ASPRV1: variants seen among roughly 807,000 people sequenced by gnomAD.
ASPRV1 encodes aspartic peptidase retroviral like 1.
A neutral mutation model predicts 11.0 loss-of-function variants in ASPRV1; 7 were observed. The ratio of observed to expected loss-of-function variants is 0.64; its 90% CI spans 0.36 to 1.20. The LOEUF (loss-of-function observed/expected upper bound fraction) is 1.20, where lower values mean the gene tolerates loss of function less well. ASPRV1 is among the 50% of genes most tolerant of loss of function. ASPRV1 has a pLI of 0.02. For missense variants in ASPRV1, 299 were observed against 320.0 expected, an observed-to-expected ratio of 0.93 and a Z score of 0.50; for synonymous variants, 136 against 138.4, an observed-to-expected ratio of 0.98 and a Z score of 0.12.
chr2:69,937,299 A>C, the ASPRV1 span: 1 of 1,614,176 alleles, frequency 6.2e-7, no homozygotes, highest in Non-Finnish European at 8.5e-7. Flanking sequence ...GAGCAGCGAC[A>C]CCTGAAGAGG....
chr2:70,044,917 G>C, the ASPRV1 span, among the ~76,000 whole-genome samples: 9 of 152,166 alleles, frequency 5.9e-5, no homozygotes, highest in African/African-American at 2.2e-4. Context: ...GTAGATGATA[G>C]GACAGAGCCA....
chr2:70,051,522 A>T, the ASPRV1 span, among the ~76,000 whole-genome samples: 3 of 152,250 alleles, frequency 2.0e-5, no homozygotes, highest in Admixed American at 6.5e-5. Context: ...GTATATATCA[A>T]GTGTTTATCA....
the ASPRV1 span, chr2:70,028,288 G>A: frequency 5.3e-5 from 8 of 152,136 alleles, no homozygotes; most frequent in Admixed American, 2.6e-4. Flanking sequence ...ATGACGAGAA[G>A]ACAACTTTCT....
chr2:69,999,600 G>A, the ASPRV1 span, among the ~76,000 whole-genome samples: 15 of 143,322 alleles, frequency 1.0e-4, no homozygotes, highest in Middle Eastern at 7.6e-3. Context: ...AGGTTTCAGT[G>A]AGCTGAAATC....
At chr2:70,065,953 C>G in the ASPRV1 span, among the ~76,000 whole-genome samples, 4 of 151,618 alleles carry the variant, frequency 2.6e-5, no homozygotes, top group African/African-American at 9.7e-5. Flanking sequence ...CACGCCTGTA[C>G]TCTCAGAATT....
the ASPRV1 span, among the ~76,000 whole-genome samples, chr2:70,073,742 C>T: frequency 6.6e-6 from 1 of 152,008 alleles, no homozygotes; most frequent in African/African-American, 2.4e-5. Context: ...GTTCCCTTGG[C>T]AACCAGCCTC....
At chr2:69,938,283 A>G in the ASPRV1 span, 5 of 1,613,940 alleles carry the variant, frequency 3.1e-6, 1 homozygote, top group South Asian at 4.4e-5. Context: ...CTTGGTCTCT[A>G]AGAGAGTGGG....
At chr2:70,038,812 C>T in the ASPRV1 span, among the ~76,000 whole-genome samples, 4 of 152,184 alleles carry the variant, frequency 2.6e-5, no homozygotes, top group African/African-American at 9.6e-5. Context: ...GGTGGGGTGG[C>T]TTACGCCTGT....
chr2:70,057,998 T>A, the ASPRV1 span, among the ~76,000 whole-genome samples: 5 of 151,822 alleles, frequency 3.3e-5, no homozygotes, highest in Admixed American at 2.0e-4. Context: ...TTTCACCATG[T>A]TGGCCAGGAT....
the ASPRV1 span, among the ~76,000 whole-genome samples, chr2:70,027,449 T>G: frequency 1.3e-5 from 2 of 152,030 alleles, no homozygotes; most frequent in African/African-American, 4.8e-5. Flanking sequence ...ATATCTGCAC[T>G]CCCATGTTTA....
the ASPRV1 span, among the ~76,000 whole-genome samples, chr2:70,082,604 A>G: frequency 2.1e-4 from 32 of 151,848 alleles, no homozygotes; most frequent in African/African-American, 7.5e-4. Context: ...CAGCTACTCA[A>G]GAGGCTGAGG....
chr2:70,062,259 C>T, the ASPRV1 span, among the ~76,000 whole-genome samples: 1 of 151,854 alleles, frequency 6.6e-6, no homozygotes, highest in Non-Finnish European at 1.5e-5. Context: ...GAGCCAAGAT[C>T]GTGCCATTGC....
At chr2:70,077,507 T>C in the ASPRV1 span, 1 of 152,218 alleles carries the variant, frequency 6.6e-6, no homozygotes, top group Non-Finnish European at 1.5e-5. Context: ...ACCATACACT[T>C]ATTATGAAAC....
At chr2:70,078,532 A>G in the ASPRV1 span, among the ~76,000 whole-genome samples, 6 of 152,218 alleles carry the variant, frequency 3.9e-5, no homozygotes, top group Non-Finnish European at 5.9e-5. Context: ...CAGAAACCTG[A>G]AGGAGATAAG....
chr2:69,983,894 T>C, the ASPRV1 span, among the ~76,000 whole-genome samples: 1,442 of 152,298 alleles, frequency 9.5e-3, 14 homozygotes, highest in Non-Finnish European at 0.01. Context: ...TCTGAGAGAT[T>C]TGAACCTGGA....
chr2:69,984,202 C>G, the ASPRV1 span, among the ~76,000 whole-genome samples: 1 of 152,070 alleles, frequency 6.6e-6, no homozygotes, highest in African/African-American at 2.4e-5. Context: ...CCATACCCAG[C>G]TAATTTTTGT....
At chr2:69,985,017 C>T in the ASPRV1 span, among the ~76,000 whole-genome samples, 1 of 152,116 alleles carries the variant, frequency 6.6e-6, no homozygotes, top group Non-Finnish European at 1.5e-5. Flanking sequence ...CCACCACGCC[C>T]AGCTAATTTT....
chr2:70,034,545 T>A, the ASPRV1 span, among the ~76,000 whole-genome samples: 1 of 148,048 alleles, frequency 6.8e-6, no homozygotes, highest in Non-Finnish European at 1.5e-5. Context: ...CACTTGAGCC[T>A]GGGCGACAGA....
chr2:69,983,120 T>C, the ASPRV1 span, among the ~76,000 whole-genome samples: 4 of 152,106 alleles, frequency 2.6e-5, no homozygotes, highest in African/African-American at 9.7e-5. Context: ...GGTTTCACCA[T>C]GTTGGCCAGG....
Sources: gnomAD v4.1 joint callset for allele counts (sites outside exome capture counted in the v4.1 genomes callset) on GRCh38, gnomAD v4.1.1 for gene constraint, MANE v1.5 for transcripts, NCBI Gene and HGNC (gene_info 2026-07-23, HGNC 2026-07-21) for gene names.